CPA6: variants seen among roughly 807,000 people sequenced by gnomAD.
The protein encoded by CPA6 is carboxypeptidase B.
Under a neutral mutation model 63.3 loss-of-function variants are expected in CPA6, and 58 were observed. That is an observed-to-expected ratio of 0.92 (90% CI 0.74 to 1.14). The LOEUF is 1.14. Ranked by LOEUF, CPA6 falls within the 50% of genes most tolerant of loss-of-function variation. The pLI, the probability that CPA6 is intolerant of heterozygous loss-of-function variation, is 0.00. For synonymous variants in CPA6, 185 were observed against 179.0 expected, an observed-to-expected ratio of 1.03 and a Z score of -0.27; for missense variants, 565 against 526.6, an observed-to-expected ratio of 1.07 and a Z score of -0.71.
At chr8:67,705,779 A>T (rs1473044259) in intron 1 of CPA6, among the ~76,000 whole-genome samples, 1 of 152,214 alleles carries the variant, frequency 6.6e-6, no homozygotes, top group East Asian at 1.9e-4. Flanking sequence ...GCAAAAATCT[A>T]ACTGAGCAAT....
At chr8:67,605,117 G>T (rs539537205) in intron 2 of CPA6, among the ~76,000 whole-genome samples, 1 of 147,920 alleles carries the variant, frequency 6.8e-6, no homozygotes, top group Non-Finnish European at 1.5e-5. Flanking sequence ...TGCTCTGGAT[G>T]ACCTAATAAC....
At chr8:67,454,037 G>T (rs571968572) in intron 8 of CPA6, among the ~76,000 whole-genome samples, 1 of 152,212 alleles carries the variant, frequency 6.6e-6, no homozygotes, top group Non-Finnish European at 1.5e-5. Flanking sequence ...TGCAGATTAA[G>T]TATTGATTCA....
At chr8:67,496,362 A>T (rs1811709883) in intron 6 of CPA6, among the ~76,000 whole-genome samples, 1 of 151,996 alleles carries the variant, frequency 6.6e-6, no homozygotes, top group Admixed American at 6.5e-5. Context: ...TGATTAATAT[A>T]AATATCTTCT....
intron 1 of CPA6, among the ~76,000 whole-genome samples, chr8:67,679,283 G>T (rs905738777): frequency 6.6e-6 from 1 of 152,198 alleles, no homozygotes; most frequent in Non-Finnish European, 1.5e-5. Flanking sequence ...ATCTATCACA[G>T]TTTATGGATT....
intron 2 of CPA6, among the ~76,000 whole-genome samples, chr8:67,592,917 CT>C (rs1814175813): frequency 6.6e-6 from 1 of 151,626 alleles, no homozygotes; most frequent in East Asian, 1.9e-4. Flanking sequence ...TATTTCTTGC[CT>C]TCTGCTAGCT....
At position 67,513,381 on chromosome 8, in the gene CPA6, G is replaced by T. The variant is rs867122597; in HGVS notation, c.318-1726C>A. Among the ~76,000 whole-genome samples the T allele has an allele frequency of 2.0e-5, 3 of 152,192 alleles. No homozygotes were observed. The Middle Eastern group carries it at 0.01, about 518-fold the overall frequency. ...AGGGATACGAGTTTGACTAGGGCTG[G>T]GGTAATTATAAATTGTCAACGTATT... On this transcript the variant is annotated intron_variant, in intron 3 of 10. Transcript: ENST00000297770.
chr8:67,666,672 G>A (rs538024659), intron 1 of CPA6, among the ~76,000 whole-genome samples: 3 of 152,276 alleles, frequency 2.0e-5, no homozygotes, highest in African/African-American at 7.2e-5. Context: ...GTGCAGCACT[G>A]ATGGGAACAG....
intron 8 of CPA6, among the ~76,000 whole-genome samples, chr8:67,445,545 A>G (rs1351857470): frequency 6.6e-6 from 1 of 152,204 alleles, no homozygotes; most frequent in Admixed American, 6.5e-5. Context: ...AAATGTTTAG[A>G]GATGAATTAA....
At chr8:67,475,814 TTTCCTTTCTTTTCTTTCTTTCTTTCTTTC>T (rs1811179144) in intron 8 of CPA6, among the ~76,000 whole-genome samples, 4 of 59,890 alleles carry the variant, frequency 6.7e-5, no homozygotes, top group African/African-American at 3.1e-4. Context: ...TCTTTCTTTC[TTTCCTTTCTTTTCTTTCTTTCTTTCTTTC>T]TTTCTTTCTT....
chr8:67,684,354 C>T (rs1816667421), intron 1 of CPA6, among the ~76,000 whole-genome samples: 1 of 152,066 alleles, frequency 6.6e-6, no homozygotes, highest in African/African-American at 2.4e-5. Flanking sequence ...ATTATCTATC[C>T]TGTCCATGTT....
intron 2 of CPA6, among the ~76,000 whole-genome samples, chr8:67,534,418 T>C (rs1282538810): frequency 6.6e-6 from 1 of 152,144 alleles, no homozygotes; most frequent in Non-Finnish European, 1.5e-5. Flanking sequence ...TATGAAACTG[T>C]TCTAGCTATA....
intron 2 of CPA6, among the ~76,000 whole-genome samples, chr8:67,598,799 AG>A (rs1334643315): frequency 1.3e-5 from 2 of 152,190 alleles, no homozygotes; most frequent in Non-Finnish European, 2.9e-5. Flanking sequence ...GAGCTAAGTG[AG>A]GTTTCAGACT....
chr8:67,650,906 T>C (rs966709953), intron 1 of CPA6, among the ~76,000 whole-genome samples: 1 of 152,114 alleles, frequency 6.6e-6, no homozygotes, highest in Non-Finnish European at 1.5e-5. Flanking sequence ...GTCAGGCTCC[T>C]ACAAGCCAAA....
chr8:67,561,000 C>A (rs906830559), intron 2 of CPA6, among the ~76,000 whole-genome samples: 1 of 152,136 alleles, frequency 6.6e-6, no homozygotes, highest in Non-Finnish European at 1.5e-5. Context: ...GTTGATGATT[C>A]TATCTAGTTA....
At chr8:67,472,375 T>TTTTTATTTTTTTATTTTATTCTA (rs1811079693) in intron 8 of CPA6, among the ~76,000 whole-genome samples, 1 of 68,906 alleles carries the variant, frequency 1.5e-5, no homozygotes, top group African/African-American at 5.2e-5. Flanking sequence ...AAGATTTATT[T>TTTTTATTTTTTTATTTTATTCTA]TTTTATTTTA....
intron 1 of CPA6, among the ~76,000 whole-genome samples, chr8:67,727,971 G>A (rs1345541538): frequency 1.3e-5 from 2 of 151,610 alleles, no homozygotes; most frequent in South Asian, 2.1e-4. Context: ...CCAGCTACTC[G>A]GGAGGCTGAG....
chr8:67,745,630 C>T (rs943782786), intron 1 of CPA6, among the ~76,000 whole-genome samples: 1 of 152,074 alleles, frequency 6.6e-6, no homozygotes, highest in Non-Finnish European at 1.5e-5. Context: ...CAACCCACCG[C>T]TCCTACATAC....
chr8:67,455,975 A>G (rs1587445555), intron 8 of CPA6, among the ~76,000 whole-genome samples: 1 of 152,278 alleles, frequency 6.6e-6, no homozygotes, highest in East Asian at 1.9e-4. Flanking sequence ...TCAGCTTCCC[A>G]AAGTGCTAGG....
intron 2 of CPA6, among the ~76,000 whole-genome samples, chr8:67,579,752 A>G (rs577030505): frequency 6.6e-6 from 1 of 152,360 alleles, no homozygotes; most frequent in Non-Finnish European, 1.5e-5. Context: ...TAGTTAAGAA[A>G]GAAAAGTAAA....
Sources: gnomAD v4.1 joint callset for allele counts (sites outside exome capture counted in the v4.1 genomes callset) on GRCh38, gnomAD v4.1.1 for gene constraint, MANE v1.5 for transcripts, NCBI Gene and HGNC (gene_info 2026-07-23, HGNC 2026-07-21) for gene names.